Variants in PDE8B observed in about 807,000 individuals in gnomAD.
PDE8B encodes high affinity cAMP-specific and IBMX-insensitive 3',5'-cyclic phosphodiesterase 8B.
A neutral mutation model predicts 101.3 loss-of-function variants in PDE8B; 26 were observed. That is an observed-to-expected ratio of 0.26 (90% confidence interval 0.19 to 0.36). The LOEUF is 0.36. Among genes scored for constraint, PDE8B ranks in the 10% least tolerant of loss-of-function variants. The probability of loss-of-function intolerance (pLI) is 1.00; values close to 1 mark genes in which losing one functional copy is unlikely to be tolerated. For missense variants in PDE8B, 810 were observed against 1,163.1 expected, an observed-to-expected ratio of 0.70 and a Z score of 4.42; for synonymous variants, 424 against 429.3, an observed-to-expected ratio of 0.99 and a Z score of 0.15.
intron 10 of PDE8B, among the ~76,000 whole-genome samples, chr5:77,398,736 A>C (rs1791614898): frequency 6.6e-6 from 1 of 152,202 alleles, no homozygotes; most frequent in Non-Finnish European, 1.5e-5. Flanking sequence ...CACTCAGTTC[A>C]CCGTCACTCT....
chr5:77,180,074 A>G, the PDE8B span, among the ~76,000 whole-genome samples: 1 of 152,082 alleles, frequency 6.6e-6, no homozygotes, highest in Non-Finnish European at 1.5e-5. Context: ...GAGACCTGTA[A>G]AGGGGGTGTT....
At chr5:77,348,685 G>A (rs11949597) in intron 7 of PDE8B, among the ~76,000 whole-genome samples, 20,747 of 152,052 alleles carry the variant, frequency 0.14, 2,944 homozygotes, top group African/African-American at 0.36. Flanking sequence ...TTATTTGTTC[G>A]TTTGTTTGTT....
Position 77,211,178 on chromosome 5 carries a change from C to G in PDE8B, c.253C>G (p.Pro85Ala). 6.5e-7 allele frequency: 1 copy of G among 1,540,538 alleles called. No individual in the cohort carries two copies. Among genetic ancestry groups the G allele is most frequent in the African/African-American group, 1.4e-5 (1 of 72,774 alleles). Residue 85 changes from proline (P) to alanine (A), a missense_variant, in exon 1 of 22, where the codon CCC becomes GCC. Physicochemically the swap from Pro to Ala is conservative, Grantham distance 27. Coordinates refer to ENST00000264917, the MANE Select transcript of PDE8B (RefSeq NM_003719.5). This position sits in a 1 kb window ranked among gnomAD's most constrained non-coding sequence, Gnocchi z 4.1. Reference sequence around the variant, plus strand: ...CGGTAGCAGCGCGGGTTCCGCAGCCCCCGCCGCGACCACCAGCAGGGGCCG... The same window carrying G: ...CGGTAGCAGCGCGGGTTCCGCAGCCGCCGCCGCGACCACCAGCAGGGGCCG... Reference protein sequence around the residue: ...GSGSSAGSAAPAATTSRGRRR... With the variant: ...GSGSSAGSAAAAATTSRGRRR...
intron 6 of PDE8B, among the ~76,000 whole-genome samples, chr5:77,341,270 G>T (rs892399248): frequency 1.3e-5 from 2 of 152,096 alleles, no homozygotes; most frequent in Non-Finnish European, 2.9e-5. Flanking sequence ...TGGGGGGCAG[G>T]GGTGGGAAAT....
chr5:77,399,713 AAAG>A (rs1473687375), intron 10 of PDE8B, among the ~76,000 whole-genome samples: 2 of 152,196 alleles, frequency 1.3e-5, no homozygotes, highest in African/African-American at 4.8e-5. Flanking sequence ...TGATAATGAG[AAAG>A]AATAGGTGGA....
intron 1 of PDE8B, among the ~76,000 whole-genome samples, chr5:77,232,792 A>G (rs561645413): frequency 6.8e-4 from 103 of 152,276 alleles, no homozygotes; most frequent in Middle Eastern, 3.4e-3. Flanking sequence ...TTTTTTGTGA[A>G]GTGTTGTCAT....
chr5:77,369,063 C>T (rs368088843), intron 10 of PDE8B, among the ~76,000 whole-genome samples: 5 of 151,828 alleles, frequency 3.3e-5, no homozygotes, highest in Non-Finnish European at 2.9e-5. Context: ...ATTAGCTGGG[C>T]GTGGTGGTGC....
the PDE8B span, among the ~76,000 whole-genome samples, chr5:77,121,916 TG>T: frequency 6.6e-6 from 1 of 152,234 alleles, no homozygotes; most frequent in Admixed American, 6.5e-5. Context: ...TTTTGTGCTC[TG>T]CATTAAGTCC....
upstream of PDE8B, among the ~76,000 whole-genome samples, chr5:77,208,501 A>G (rs149333478): frequency 8.5e-5 from 13 of 152,302 alleles, no homozygotes; most frequent in Admixed American, 2.6e-4. Context: ...TTGTTTTCCC[A>G]GGTCCTAAAT....
chr5:77,395,872 A>G (rs1045011952), intron 10 of PDE8B, among the ~76,000 whole-genome samples: 10 of 152,174 alleles, frequency 6.6e-5, no homozygotes, highest in Admixed American at 3.9e-4. Context: ...CAGCTGCTTC[A>G]TCTGGGGTGC....
chr5:77,357,002 GC>G (rs1489034190), intron 10 of PDE8B, among the ~76,000 whole-genome samples: 3 of 152,126 alleles, frequency 2.0e-5, no homozygotes, highest in African/African-American at 4.8e-5. Context: ...AGTTTCCCAG[GC>G]CCCTAGGAGG....
chr5:77,353,370 C>G lies in PDE8B; in HGVS notation c.1131C>G (p.Leu377=). Residue 377 remains leucine (L), a synonymous_variant, in exon 10 of 22, where the codon CTC becomes CTG. Transcript: ENST00000264917. ...QGGKIRHFVS[L]KKLCCTTDNN... is the part of the protein sequence containing the mutation. ...GGAAAATTAGGCATTTTGTCTCGCT[C>G]AAGAAACTGTGTTGTACCACTGACA... 6.3e-7 allele frequency: 1 copy of G among 1,599,582 alleles called. No homozygotes were observed. The highest frequency in any genetic ancestry group is 1.1e-5 in the South Asian group (1 of 90,782).
At chr5:77,421,763 C>A (rs1561694679) in intron 19 of PDE8B, 58 bp from the exon 20 acceptor site, 2 of 1,553,838 alleles carry the variant, frequency 1.3e-6, no homozygotes, top group East Asian at 4.5e-5. Flanking sequence ...GGCGAATTAA[C>A]CCTTGTGGGC....
the PDE8B span, among the ~76,000 whole-genome samples, chr5:77,179,843 G>A: frequency 6.6e-6 from 1 of 152,284 alleles, no homozygotes; most frequent in African/African-American, 2.4e-5. Flanking sequence ...TTACAGGCCT[G>A]AGCCACCGCG....
At chr5:77,308,222 G>C (rs900450110) in intron 1 of PDE8B, among the ~76,000 whole-genome samples, 2 of 152,128 alleles carry the variant, frequency 1.3e-5, no homozygotes, top group Non-Finnish European at 2.9e-5. Flanking sequence ...ACCTCTTTTG[G>C]ACACAGAAGC....
At chr5:77,188,620 C>T in the PDE8B span, among the ~76,000 whole-genome samples, 4 of 152,076 alleles carry the variant, frequency 2.6e-5, no homozygotes, top group African/African-American at 4.8e-5. Context: ...AAAGATCTCA[C>T]GGCTGCAAGG....
At chr5:77,352,282 A>G (rs1273637726) in intron 9 of PDE8B, among the ~76,000 whole-genome samples, 1 of 152,186 alleles carries the variant, frequency 6.6e-6, no homozygotes, top group Non-Finnish European at 1.5e-5. Context: ...TGACTGTCAC[A>G]TTGTTTTTAT....
chr5:77,335,564 T>TGTGTGA lies in PDE8B; in HGVS notation c.709-1662_709-1661insTGTGAG, dbSNP rs777358989. Reference sequence around the variant, plus strand: ...GTGTGTGTGTGTGTGTGTGTGTGTGTGAGAGAGAGAGGAAGGAGTGAGGAG... The same window carrying TGTGTGA: ...GTGTGTGTGTGTGTGTGTGTGTGTGTGTGTGAGAGAGAGAGAGGAAGGAGTGAGGAG... On this transcript the variant is annotated intron_variant, in intron 5 of 21. Transcript: ENST00000264917. 1.1e-3 allele frequency among the ~76,000 whole-genome samples: 114 copies of TGTGTGA among 99,958 alleles called. 1 individual carries two copies. Among genetic ancestry groups the TGTGTGA allele is most frequent in the Middle Eastern group, 0.011 (2 of 176 alleles). The allele number at this position is 99,958 out of a possible 152,430, so 65.6% of individuals were successfully genotyped here. A position where few individuals can be genotyped will look rare whatever the true frequency, so the allele number is the denominator to read the frequency against.
intron 10 of PDE8B, among the ~76,000 whole-genome samples, chr5:77,373,180 C>T (rs560258256): frequency 6.6e-6 from 1 of 152,230 alleles, no homozygotes; most frequent in Admixed American, 6.5e-5. Context: ...TTACTTTTCT[C>T]TATTGTTAAT....
Sources: allele counts gnomAD v4.1 joint callset (sites outside exome capture counted in the v4.1 genomes callset), GRCh38; gene constraint gnomAD v4.1.1; non-coding constraint Gnocchi (gnomAD v3.1); transcripts MANE v1.5; gene names NCBI Gene and HGNC (gene_info 2026-07-23, HGNC 2026-07-21).